Variants in CLNK observed in about 807,000 individuals in gnomAD.
The protein encoded by CLNK is cytokine dependent hematopoietic cell linker.
In CLNK, 74 loss-of-function variants were observed where a neutral mutation model predicts 68.6. The ratio of observed to expected loss-of-function variants is 1.08; its 90% CI spans 0.89 to 1.31. CLNK has a LOEUF of 1.31. Among genes scored for constraint, CLNK ranks in the 50% most tolerant of loss-of-function variants. The pLI is 0.00. For missense variants in CLNK, 553 were observed against 515.3 expected (o/e 1.07, Z -0.71); for synonymous variants, 198 against 172.2 (o/e 1.15, Z -1.17).
In CLNK at chr4:10,489,096, T is replaced by A. The variant is rs1421336446; in HGVS notation, c.*1371A>T. 1.3e-5 allele frequency: 2 copies of A among 152,034 alleles called. No homozygotes were observed. Among genetic ancestry groups the A allele is most frequent in the Non-Finnish European group, 2.9e-5 (2 of 68,020 alleles). 9.4% of individuals were successfully genotyped at this position (152,034 alleles called of 1,614,324 possible). ...TTTTTTTTAAATTAGCTTTTCAACTTGATTGTAAAATGTCACAGCGCAGAG... is the reference window on the plus strand; with the variant it reads ...TTTTTTTTAAATTAGCTTTTCAACTAGATTGTAAAATGTCACAGCGCAGAG... On this transcript the variant is annotated 3_prime_UTR_variant, in exon 19 of 19. Transcript: ENST00000226951.
At chr4:10,723,882 C>CAGAGAGAGAGAGAG in the CLNK span, among the ~76,000 whole-genome samples, 381 of 70,930 alleles carry the variant, frequency 5.4e-3, 18 homozygotes, top group African/African-American at 0.014. Context: ...ACACAGGAGT[C>CAGAGAGAGAGAGAG]AGAGAGAGAG....
At chr4:10,712,583 C>A in the CLNK span, among the ~76,000 whole-genome samples, 1 of 152,216 alleles carries the variant, frequency 6.6e-6, no homozygotes, top group Admixed American at 6.5e-5. Flanking sequence ...TGAAAAGCCA[C>A]AAGTCTGAAA....
In CLNK at chr4:10,487,132, A is replaced by G. The variant is rs1278978497; in HGVS notation, c.*3335T>C. 1 of 152,246 alleles carries G rather than the reference A, an allele frequency of 6.6e-6. No homozygotes were observed. The highest frequency in any genetic ancestry group is 1.5e-5 in the Non-Finnish European group (1 of 68,046). 9.4% of individuals were successfully genotyped at this position (152,246 alleles called of 1,614,324 possible). A position where few individuals can be genotyped will look rare whatever the true frequency, so the allele number is the denominator to read the frequency against. On this transcript the variant is annotated 3_prime_UTR_variant, in exon 19 of 19. Transcript: ENST00000226951. ...CTCTATTGAAATCAGATATCAAGTGATACTTTTAAACTAAACGTGAGGTAA... is the reference window on the plus strand; with the variant it reads ...CTCTATTGAAATCAGATATCAAGTGGTACTTTTAAACTAAACGTGAGGTAA...
intron 11 of CLNK, among the ~76,000 whole-genome samples, chr4:10,537,249 G>A (rs972883197): frequency 2.6e-5 from 4 of 152,158 alleles, no homozygotes; most frequent in South Asian, 2.1e-4. Context: ...AGGCCAAGGC[G>A]GGTGGATCAC....
chr4:10,569,334 T>TTC (rs1246608201), intron 5 of CLNK, among the ~76,000 whole-genome samples: 1 of 151,050 alleles, frequency 6.6e-6, no homozygotes, highest in Non-Finnish European at 1.5e-5. Context: ...CACCAGAGAG[T>TTC]TCTCTCTCTC....
intron 1 of CLNK, among the ~76,000 whole-genome samples, chr4:10,680,008 C>T (rs1225195026): frequency 5.3e-5 from 8 of 152,232 alleles, no homozygotes; most frequent in East Asian, 1.9e-4. Flanking sequence ...CCAGCCATCT[C>T]ATTACTGGAT....
the CLNK span, among the ~76,000 whole-genome samples, chr4:10,704,227 A>G: frequency 6.6e-6 from 1 of 152,190 alleles, no homozygotes; most frequent in Non-Finnish European, 1.5e-5. Context: ...GTTGCAATCC[A>G]TCTTTCTCAT....
At chr4:10,692,999 C>T in the CLNK span, among the ~76,000 whole-genome samples, 1 of 152,170 alleles carries the variant, frequency 6.6e-6, no homozygotes, top group East Asian at 1.9e-4. Flanking sequence ...GTATGCTGAT[C>T]AATCTGGGGA....
At position 10,545,554 on chromosome 4, in the gene CLNK, G is replaced by A. The variant is rs1038861205; in HGVS notation, c.446-3274C>T. Among the ~76,000 whole-genome samples, 8 of 152,270 alleles carry A rather than the reference G, an allele frequency of 5.3e-5. No individual in the cohort carries two copies. In the South Asian group the frequency reaches 6.2e-4, roughly 12 times the overall value. On this transcript the variant is annotated intron_variant, in intron 8 of 18. Coordinates refer to ENST00000226951, the MANE Select transcript of CLNK (RefSeq NM_052964.4). Reference sequence around the variant, plus strand: ...CACACCAGTAGCTGTACAGCTCAAGGGTCTTGGTGGCAGGCTCACTCCCAT... The same window carrying A: ...CACACCAGTAGCTGTACAGCTCAAGAGTCTTGGTGGCAGGCTCACTCCCAT...
At chr4:10,600,155 TC>T (rs552379818) in intron 2 of CLNK, among the ~76,000 whole-genome samples, 2 of 152,330 alleles carry the variant, frequency 1.3e-5, no homozygotes, top group South Asian at 4.2e-4. Flanking sequence ...CCTTTTTTTT[TC>T]TTAATGCTCC....
At chr4:10,622,701 C>G (rs1160890783) in intron 2 of CLNK, among the ~76,000 whole-genome samples, 1 of 152,188 alleles carries the variant, frequency 6.6e-6, no homozygotes, top group African/African-American at 2.4e-5. Flanking sequence ...GAGTATATAA[C>G]ATTGATTTTT....
chr4:10,621,554 A>T (rs561121989), intron 2 of CLNK, among the ~76,000 whole-genome samples: 27 of 152,306 alleles, frequency 1.8e-4, no homozygotes, highest in Non-Finnish European at 3.8e-4. Context: ...TCCAGTTAAG[A>T]TCCACAAATG....
At chr4:10,676,787 T>C (rs1724892217) in intron 1 of CLNK, among the ~76,000 whole-genome samples, 1 of 152,066 alleles carries the variant, frequency 6.6e-6, no homozygotes, top group Admixed American at 6.6e-5. Flanking sequence ...GTTCCTTTCC[T>C]TCCTCTATCC....
At chr4:10,506,724 G>C (rs1466229681) in intron 17 of CLNK, among the ~76,000 whole-genome samples, 1 of 152,172 alleles carries the variant, frequency 6.6e-6, no homozygotes, top group Non-Finnish European at 1.5e-5. Context: ...AAATCTACAT[G>C]GGAAGTTATT....
chr4:10,524,658 C>G (rs984038281), intron 14 of CLNK, among the ~76,000 whole-genome samples: 2 of 152,176 alleles, frequency 1.3e-5, no homozygotes, highest in Admixed American at 1.3e-4. Flanking sequence ...TGAGGTTGGG[C>G]TTGGCTTCAG....
At chr4:10,496,664 G>T (rs1289838533) in intron 18 of CLNK, among the ~76,000 whole-genome samples, 2 of 152,168 alleles carry the variant, frequency 1.3e-5, no homozygotes, top group Admixed American at 6.5e-5. Context: ...GTGGAAGCGA[G>T]GCATGAGAAC....
At chr4:10,624,810 C>T (rs1722604040) in intron 2 of CLNK, among the ~76,000 whole-genome samples, 1 of 152,010 alleles carries the variant, frequency 6.6e-6, no homozygotes, top group Non-Finnish European at 1.5e-5. Flanking sequence ...GAGGAACACA[C>T]CTTGGGAAAT....
intron 2 of CLNK, among the ~76,000 whole-genome samples, chr4:10,605,236 C>G (rs1721741332): frequency 6.6e-6 from 1 of 152,188 alleles, no homozygotes; most frequent in African/African-American, 2.4e-5. Context: ...CTTGCTTTCT[C>G]TCTCTCTCTC....
chr4:10,487,003 T>C lies in CLNK; in HGVS notation c.*3464A>G, dbSNP rs1267553593. The C allele has an allele frequency of 4.6e-5, 7 of 152,252 alleles. No individual in the cohort carries two copies. Among genetic ancestry groups the C allele is most frequent in the Admixed American group, 4.6e-4 (7 of 15,282 alleles). The allele number at this position is 152,252 out of a possible 1,614,324, so 9.4% of individuals were successfully genotyped here. A position where few individuals can be genotyped will look rare whatever the true frequency, so the allele number is the denominator to read the frequency against. On this transcript the variant is annotated 3_prime_UTR_variant, in exon 19 of 19. Coordinates refer to ENST00000226951, the MANE Select transcript of CLNK (RefSeq NM_052964.4). ...CAAAGGTGCTAACACAATATATGAC[T>C]AATGATGAGGGCTATGCACATTTAT...
Sources: allele counts gnomAD v4.1 joint callset (sites outside exome capture counted in the v4.1 genomes callset), GRCh38; gene constraint gnomAD v4.1.1; transcripts MANE v1.5; gene names NCBI Gene and HGNC (gene_info 2026-07-23, HGNC 2026-07-21).